The following PAN3 variants were observed in gnomAD, a reference collection of about 807,000 sequenced individuals.
The protein encoded by PAN3 is poly(A) specific ribonuclease subunit PAN3, also known as PAN2-PAN3 deadenylation complex subunit PAN3.
A neutral mutation model predicts 96.2 loss-of-function variants in PAN3; 19 were observed. The observed-to-expected ratio is 0.20, with a 90% CI of 0.14 to 0.29. The LOEUF is 0.29. Ranked by LOEUF, PAN3 falls within the 10% of genes least tolerant of loss-of-function variation. The pLI is 1.00. For missense variants in PAN3, 882 were observed against 1,108.1 expected (o/e 0.80, Z 2.90); for synonymous variants, 433 against 406.6 (o/e 1.06, Z -0.78).
rs536169381 is a variant in PAN3, at chr13:28,289,106, A to G, written c.2523+984A>G. On this transcript the variant is annotated intron_variant, in intron 18 of 18. Coordinates refer to ENST00000380958, the MANE Select transcript of PAN3 (RefSeq NM_175854.8). ...CTCCCAAAGTGCTGGGATTACAGGC[A>G]TGAGCCACCGCACCCGGCCTAACTC... is the stretch of plus-strand genomic sequence containing the variant. Among the ~76,000 whole-genome samples the G allele has an allele frequency of 2.9e-3, 434 of 152,262 alleles. 1 individual carries two copies. The highest frequency in any genetic ancestry group is 7.9e-3 in the South Asian group (38 of 4,824).
chr13:28,173,835 T>A (rs1385728042), intron 1 of PAN3, among the ~76,000 whole-genome samples: 1 of 152,204 alleles, frequency 6.6e-6, no homozygotes, highest in Non-Finnish European at 1.5e-5. Flanking sequence ...TTTTTCCCCC[T>A]GAATTTTGAG....
At chr13:28,257,270 C>T (rs1885221177) in intron 7 of PAN3, among the ~76,000 whole-genome samples, 1 of 152,044 alleles carries the variant, frequency 6.6e-6, no homozygotes. Context: ...GAACAGGAGT[C>T]AGGGGGCGAG....
chr13:28,250,384 TGA>T (rs1446198061), intron 6 of PAN3, among the ~76,000 whole-genome samples: 1 of 152,126 alleles, frequency 6.6e-6, no homozygotes, highest in African/African-American at 2.4e-5. Context: ...AATTTTTTTT[TGA>T]GACGGAGTTT....
chr13:28,142,099 C>T (rs1257557318), intron 1 of PAN3, among the ~76,000 whole-genome samples: 1 of 152,148 alleles, frequency 6.6e-6, no homozygotes, highest in African/African-American at 2.4e-5. Flanking sequence ...TGATAGGCTT[C>T]TTGGTATCTC....
rs1167986994 is a variant in PAN3, at chr13:28,256,353, TCCTGCTC to T, written c.1065_1071del (p.Ala356GlufsTer35). The T allele has an allele frequency of 6.2e-7, 1 of 1,613,736 alleles. No individual in the cohort carries two copies. Among genetic ancestry groups the T allele is most frequent in the African/African-American group, 1.3e-5 (1 of 74,916 alleles). ...CCCCCAAGATTACTCCACATACTTCTCCTGCTCCCAGAAGAAGAAGTCACACTCCAAA... is the reference window on the plus strand; with the variant it reads ...CCCCCAAGATTACTCCACATACTTCTCCAGAAGAAGAAGTCACACTCCAAA... On this transcript the variant is annotated frameshift_variant, in exon 7 of 19. Transcript: ENST00000380958. LOFTEE classifies it high-confidence loss of function.
At chr13:28,174,570 G>T (rs925484435) in intron 2 of PAN3, among the ~76,000 whole-genome samples, 177 bp downstream of exon 2, 1 of 152,144 alleles carries the variant, frequency 6.6e-6, no homozygotes, top group Admixed American at 6.5e-5. Flanking sequence ...GAGAGCTTTT[G>T]TAAGTGGGGG....
intron 5 of PAN3, among the ~76,000 whole-genome samples, chr13:28,199,750 G>A (rs1195907906): frequency 6.6e-6 from 1 of 150,916 alleles, no homozygotes; most frequent in Non-Finnish European, 1.5e-5. Flanking sequence ...TTTTCCTTTT[G>A]TGTGATTAGA....
intron 6 of PAN3, among the ~76,000 whole-genome samples, chr13:28,234,026 C>A (rs535086640): frequency 6.6e-6 from 1 of 152,274 alleles, no homozygotes; most frequent in South Asian, 2.1e-4. Flanking sequence ...TCTTTTCTTT[C>A]AGTTCTATAA....
intron 5 of PAN3, among the ~76,000 whole-genome samples, chr13:28,203,740 A>G (rs548321093): frequency 2.0e-5 from 3 of 152,060 alleles, no homozygotes; most frequent in Non-Finnish European, 2.9e-5. Flanking sequence ...AAGCCTTGTA[A>G]TAGACTTAAT....
At chr13:28,284,182 C>CAA (rs1868668029) in intron 17 of PAN3, among the ~76,000 whole-genome samples, 2 of 152,112 alleles carry the variant, frequency 1.3e-5, no homozygotes, top group African/African-American at 4.8e-5. Flanking sequence ...TTTTGTCAAC[C>CAA]TTGTAGGTGA....
Position 28,270,684 on chromosome 13 carries a change from A to G in PAN3, c.1793-17A>G. 1 of 1,588,606 alleles carries G rather than the reference A, an allele frequency of 6.3e-7. No homozygotes were observed. Among genetic ancestry groups the G allele is most frequent in the Non-Finnish European group, 8.6e-7 (1 of 1,168,246 alleles). ...GATTACTTAAGATGTCATTTTTTGG[A>G]TTTCTTTGCTGTATAGGTCAGCACG... On this transcript the variant is annotated splice_polypyrimidine_tract_variant and intron_variant, in intron 12 of 18. Transcript: ENST00000380958.
chr13:28,224,983 T>C (rs1253606540), intron 6 of PAN3, among the ~76,000 whole-genome samples: 1 of 152,176 alleles, frequency 6.6e-6, no homozygotes, highest in African/African-American at 2.4e-5. Flanking sequence ...CTAATTATTA[T>C]ACCAAAATTA....
chr13:28,205,396 C>T (rs917524853), intron 5 of PAN3, among the ~76,000 whole-genome samples: 4 of 152,028 alleles, frequency 2.6e-5, no homozygotes, highest in Non-Finnish European at 4.4e-5. Context: ...AGCTGATACT[C>T]GAAATCTTTA....
intron 1 of PAN3, among the ~76,000 whole-genome samples, chr13:28,141,011 T>TTTATTTA (rs1555266995): frequency 6.7e-6 from 1 of 148,714 alleles, no homozygotes; most frequent in East Asian, 1.9e-4. Context: ...CACTTTTTTT[T>TTTATTTA]TTTTTTTTTT....
At chr13:28,261,300 C>T (rs971228636) in intron 8 of PAN3, 101 bp from the exon 9 acceptor site, 14 of 702,618 alleles carry the variant, frequency 2.0e-5, no homozygotes, top group Non-Finnish European at 2.9e-5. Flanking sequence ...TTAAAAAGTG[C>T]ATATGCCAAA....
intron 1 of PAN3, among the ~76,000 whole-genome samples, chr13:28,139,943 TG>T (rs900962523): frequency 2.1e-4 from 31 of 146,910 alleles, no homozygotes; most frequent in African/African-American, 5.5e-4. Flanking sequence ...CATGTGTTGT[TG>T]TTGTTGTTGT....
At chr13:28,234,806 A>G (rs1882925410) in intron 6 of PAN3, among the ~76,000 whole-genome samples, 1 of 152,028 alleles carries the variant, frequency 6.6e-6, no homozygotes, top group African/African-American at 2.4e-5. Context: ...AGGAAACCTA[A>G]GGTTTATTTT....
intron 3 of PAN3, among the ~76,000 whole-genome samples, chr13:28,177,463 A>C (rs571397600): frequency 3.3e-5 from 5 of 152,252 alleles, no homozygotes; most frequent in Admixed American, 1.3e-4. Context: ...GATCTCTCAG[A>C]GTCTATGGTT....
chr13:28,164,452 C>T (rs970146288), intron 1 of PAN3, among the ~76,000 whole-genome samples: 1 of 152,202 alleles, frequency 6.6e-6, no homozygotes, highest in Admixed American at 6.5e-5. Context: ...CATCCTTTAG[C>T]GTGAGCATCG....
Sources: allele counts gnomAD v4.1 joint callset (sites outside exome capture counted in the v4.1 genomes callset), GRCh38; gene constraint gnomAD v4.1.1; transcripts MANE v1.5; gene names NCBI Gene and HGNC (gene_info 2026-07-23, HGNC 2026-07-21).